The following ARHGAP6 variants were observed in gnomAD, a reference collection of about 807,000 sequenced individuals.
ARHGAP6 encodes the protein rho GTPase-activating protein 6.
ARHGAP6 carries 16 observed loss-of-function variants against 55.7 expected under a neutral mutation model. The ratio of observed to expected loss-of-function variants is 0.29; its 90% CI spans 0.19 to 0.44. ARHGAP6 has a LOEUF of 0.44. Ranked by LOEUF, ARHGAP6 falls within the 20% of genes least tolerant of loss-of-function variation. ARHGAP6 has a pLI of 1.00. For synonymous variants in ARHGAP6, 382 were observed against 360.9 expected (o/e 1.06, Z -0.66); for missense variants, 698 against 808.9 (o/e 0.86, Z 1.66).
intron 1 of ARHGAP6, among the ~76,000 whole-genome samples, chrX:11,541,227 G>A (rs2051154653): frequency 9.0e-6 from 1 of 111,388 alleles, no homozygotes; most frequent in South Asian, 3.8e-4. Flanking sequence ...ATGGGCAAGA[G>A]CCTTTATTGT....
chrX:11,534,399 T>C (rs1950640024), intron 1 of ARHGAP6, among the ~76,000 whole-genome samples: 1 of 110,717 alleles, frequency 9.0e-6, no homozygotes, highest in Admixed American at 9.6e-5. Flanking sequence ...TAAAGTGGAG[T>C]TTCTCAGCCT....
rs763040938 is a variant in ARHGAP6, at chrX:11,138,999, T to A, written c.2789A>T (p.Asn930Ile). The part of the protein sequence containing the change: ...QVTQKKLSSA[N>I]SLPAGEQDSP... ...GTCCTGCTCGCCCGCTGGCAGGGAG[T>A]TGGCGCTGCTCAGTTTTTTCTGCGT... The change falls in exon 13 of 13, where the codon AAC becomes ATC. Residue 930 changes from asparagine (N) to isoleucine (I), a missense_variant. Physicochemically the swap from Asn to Ile is moderately radical, Grantham distance 149. Transcript: ENST00000337414. 5.4e-5 allele frequency: 65 copies of A among 1,205,928 alleles called. No homozygotes were observed. In the East Asian group the frequency reaches 1.8e-3, roughly 33 times the overall value.
At chrX:11,403,762 T>C (rs1404060905) in intron 1 of ARHGAP6, among the ~76,000 whole-genome samples, 1 of 112,235 alleles carries the variant, frequency 8.9e-6, no homozygotes, top group Non-Finnish European at 1.9e-5. Flanking sequence ...AAAACTGAAA[T>C]TTCATTCACT....
intron 1 of ARHGAP6, among the ~76,000 whole-genome samples, chrX:11,511,977 C>T (rs896451363): frequency 9.0e-6 from 1 of 111,017 alleles, no homozygotes; most frequent in South Asian, 3.9e-4. Context: ...CAGGTGCCTG[C>T]CACCACACCT....
intron 9 of ARHGAP6, 86 bp downstream of exon 9, chrX:11,169,419 G>C: frequency 1.1e-6 from 1 of 948,850 alleles, no homozygotes; most frequent in Non-Finnish European, 1.4e-6. Flanking sequence ...GCACCCCAGA[G>C]GGTGGTCTAC....
chrX:11,346,767 AG>A (rs1341534093), intron 1 of ARHGAP6, among the ~76,000 whole-genome samples: 3 of 78,517 alleles, frequency 3.8e-5, no homozygotes, highest in Non-Finnish European at 5.4e-5. Flanking sequence ...GAGAAAGAAA[AG>A]AAAAGAAAGA....
chrX:11,411,741 GTA>G (rs1326612062), intron 1 of ARHGAP6, among the ~76,000 whole-genome samples: 1 of 111,618 alleles, frequency 9.0e-6, no homozygotes, highest in Non-Finnish European at 1.9e-5. Context: ...AAGTTTGATT[GTA>G]TAATATTGAT....
At chrX:11,429,842 C>G (rs1603203597) in intron 1 of ARHGAP6, among the ~76,000 whole-genome samples, 2 of 112,368 alleles carry the variant, frequency 1.8e-5, no homozygotes, top group African/African-American at 3.2e-5. Flanking sequence ...AGACAGAGAA[C>G]CAGCTTGAGC....
intron 1 of ARHGAP6, among the ~76,000 whole-genome samples, chrX:11,584,067 T>C (rs1276171602): frequency 8.9e-6 from 1 of 112,068 alleles, no homozygotes; most frequent in Non-Finnish European, 1.9e-5. Context: ...ACTTTCTGTC[T>C]ACAAATCCAA....
intron 1 of ARHGAP6, chrX:11,334,735 T>C: frequency 4.2e-6 from 1 of 239,965 alleles, no homozygotes; most frequent in Non-Finnish European, 7.8e-6. Context: ...TTCAATGAAG[T>C]TGCACACAGC....
At chrX:11,565,520 G>A (rs1018570438) in intron 1 of ARHGAP6, among the ~76,000 whole-genome samples, 2 of 112,437 alleles carry the variant, frequency 1.8e-5, no homozygotes, top group African/African-American at 6.5e-5. Context: ...AGGCCTAAGA[G>A]AAGCCAAAGT....
intron 1 of ARHGAP6, among the ~76,000 whole-genome samples, chrX:11,563,505 T>C (rs779093043): frequency 1.2e-4 from 13 of 111,590 alleles, no homozygotes; most frequent in African/African-American, 3.6e-4. Context: ...AGAAAAGTAT[T>C]TCTCTCTCAT....
At chrX:11,454,976 T>C (rs1452921602) in intron 1 of ARHGAP6, among the ~76,000 whole-genome samples, 1 of 111,236 alleles carries the variant, frequency 9.0e-6, no homozygotes, top group African/African-American at 3.3e-5. Context: ...AAGCACAACT[T>C]GGGGAGATGC....
intron 2 of ARHGAP6, among the ~76,000 whole-genome samples, chrX:11,217,275 T>C (rs757799956): frequency 8.9e-6 from 1 of 112,054 alleles, no homozygotes; most frequent in East Asian, 2.8e-4. Flanking sequence ...TTCTGGATCC[T>C]TGAGGAATCA....
intron 1 of ARHGAP6, among the ~76,000 whole-genome samples, chrX:11,336,815 AC>A (rs2048643668): frequency 8.9e-6 from 1 of 112,015 alleles, no homozygotes; most frequent in Non-Finnish European, 1.9e-5. Context: ...TCTAGCAAGG[AC>A]CCAGAATGCA....
intron 1 of ARHGAP6, among the ~76,000 whole-genome samples, chrX:11,640,475 C>T (rs1327133407): frequency 1.8e-5 from 2 of 112,223 alleles, no homozygotes; most frequent in Non-Finnish European, 3.8e-5. Flanking sequence ...TGATGAAGAA[C>T]AGTGCTGCCT....
chrX:11,359,682 A>G (rs1263219609), intron 1 of ARHGAP6, among the ~76,000 whole-genome samples: 1 of 112,246 alleles, frequency 8.9e-6, no homozygotes, highest in African/African-American at 3.2e-5. Flanking sequence ...AAATAGAGAC[A>G]CAAAAAACCC....
At chrX:11,153,986 C>G (rs1398894946) in intron 10 of ARHGAP6, among the ~76,000 whole-genome samples, 1 of 109,117 alleles carries the variant, frequency 9.2e-6, no homozygotes, top group African/African-American at 3.3e-5. Context: ...ACAACAGACC[C>G]CGGAGTGTGA....
At chrX:11,337,671 C>G (rs759329833) in intron 1 of ARHGAP6, among the ~76,000 whole-genome samples, 1 of 112,606 alleles carries the variant, frequency 8.9e-6, no homozygotes, top group Non-Finnish European at 1.9e-5. Flanking sequence ...TACTCAGTCT[C>G]CACTTAAGCA....
Sources: gnomAD v4.1 joint callset for allele counts (sites outside exome capture counted in the v4.1 genomes callset) on GRCh38, gnomAD v4.1.1 for gene constraint, MANE v1.5 for transcripts, NCBI Gene and HGNC (gene_info 2026-07-23, HGNC 2026-07-21) for gene names.